The following TPO variants were observed in gnomAD, a reference collection of about 807,000 sequenced individuals.
TPO encodes thyroid peroxidase, also known as thyroid microsomal antigen.
Under a neutral mutation model 96.9 loss-of-function variants are expected in TPO, and 78 were observed. The observed-to-expected ratio is 0.81, with a 90% CI of 0.67 to 0.97. The LOEUF is 0.97. Ranked by LOEUF, TPO falls within the 50% of genes least tolerant of loss-of-function variation. The pLI is 0.00. For missense variants in TPO, 1,252 were observed against 1,274.8 expected (o/e 0.98, Z 0.27); for synonymous variants, 547 against 538.0 (o/e 1.02, Z -0.23).
chr2:1,499,017 G>A (rs1234187601), intron 13 of TPO, among the ~76,000 whole-genome samples: 2 of 152,110 alleles, frequency 1.3e-5, no homozygotes, highest in South Asian at 2.1e-4. Context: ...GTACACCTGC[G>A]TCTCTCCTTG....
chr2:1,508,423 G>T lies in TPO; in HGVS notation c.2518+4344G>T, dbSNP rs191958996. ...ATAAAATGAGTTAGGGAGGATTCCC[G>T]CTTTTTGTATTGATTGGAATAGTTT... On this transcript the variant is annotated intron_variant, in intron 14 of 16. Transcript: ENST00000329066. Among the ~76,000 whole-genome samples the T allele has an allele frequency of 5.6e-4, 85 of 151,870 alleles. No individual in the cohort carries two copies. In the East Asian group the frequency reaches 0.01, roughly 18 times the overall value.
chr2:1,453,241 C>G (rs373346840), intron 5 of TPO, among the ~76,000 whole-genome samples: 11 of 152,336 alleles, frequency 7.2e-5, no homozygotes, highest in Non-Finnish European at 1.3e-4. Flanking sequence ...GACAATCACA[C>G]GGGCAGGAAC....
intron 1 of TPO, among the ~76,000 whole-genome samples, chr2:1,399,205 C>A (rs568503997): frequency 1.3e-5 from 2 of 152,194 alleles, no homozygotes; most frequent in African/African-American, 4.8e-5. Flanking sequence ...AATGTCCAGC[C>A]CCCCCGAGGG....
chr2:1,541,361 G>GT (rs1680746809), intron 16 of TPO: 1 of 246,084 alleles, frequency 4.1e-6, no homozygotes, highest in Non-Finnish European at 6.5e-6. Flanking sequence ...TAAAACAATA[G>GT]GTTTTTTTTT....
rs1273819866 is a variant in TPO at position 1,531,215 on chromosome 2, C to T, written c.2619-9379C>T. Among the ~76,000 whole-genome samples the T allele has an allele frequency of 1.4e-3, 183 of 130,962 alleles. 1 individual carries two copies. Among genetic ancestry groups the T allele is most frequent in the African/African-American group, 5.7e-3 (179 of 31,246 alleles). The allele number at this position is 130,962 out of a possible 152,430, so 85.9% of individuals were successfully genotyped here. ...AATCCCCACACTGTCTGCAACCACC[C>T]CAAATCGCCCCCACTGTGTGCAACC... On this transcript the variant is annotated intron_variant, in intron 15 of 16. Transcript: ENST00000329066.
intron 9 of TPO, 116 bp downstream of exon 9, chr2:1,484,970 G>A (rs1448925930): frequency 2.5e-5 from 38 of 1,490,334 alleles, no homozygotes; most frequent in East Asian, 2.0e-4. Flanking sequence ...GGTTTGTTAC[G>A]TAGGGTATAC....
chr2:1,424,690 C>T (rs1183530836), intron 3 of TPO, among the ~76,000 whole-genome samples: 2 of 152,192 alleles, frequency 1.3e-5, no homozygotes, highest in Non-Finnish European at 2.9e-5. Flanking sequence ...CCTATTCCAA[C>T]TATGTTTCTT....
chr2:1,453,911 C>CGTGCTGG, intron 6 of TPO, 88 bp downstream of exon 6: 1 of 1,582,550 alleles, frequency 6.3e-7, no homozygotes, highest in Admixed American at 1.8e-5. Context: ...GGTTCTTGCT[C>CGTGCTGG]GTGCTGGGTG....
intron 7 of TPO, among the ~76,000 whole-genome samples, chr2:1,475,694 C>T (rs1294230304): frequency 1.3e-5 from 2 of 152,158 alleles, no homozygotes; most frequent in African/African-American, 2.4e-5. Context: ...AATTGCTGGG[C>T]GCCCACCTCA....
At chr2:1,489,639 G>C (rs1437499778) in intron 10 of TPO, among the ~76,000 whole-genome samples, 2 of 129,156 alleles carry the variant, frequency 1.5e-5, no homozygotes, top group Non-Finnish European at 3.4e-5. Context: ...CAGGCACTTA[G>C]GGAACCCTCA....
chr2:1,408,933 C>T (rs1662286149), upstream of TPO, among the ~76,000 whole-genome samples: 1 of 152,114 alleles, frequency 6.6e-6, no homozygotes, highest in Non-Finnish European at 1.5e-5. Context: ...AGAGGTGACC[C>T]TTGGTGAGAA....
At chr2:1,375,726 G>A (rs1661712216) in intron 1 of TPO, among the ~76,000 whole-genome samples, 1 of 152,090 alleles carries the variant, frequency 6.6e-6, no homozygotes. Context: ...CCTTCACCGT[G>A]TCTACATCGT....
At chr2:1,541,016 G>GCACAGGAGAGGAAGGAGA (rs1680701553) in intron 16 of TPO, 8 of 1,370,804 alleles carry the variant, frequency 5.8e-6, no homozygotes, top group Non-Finnish European at 7.7e-6. Flanking sequence ...TCGGCTGGAA[G>GCACAGGAGAGGAAGGAGA]CACAGGAGAG....
chr2:1,446,588 T>C (rs1666849042), intron 5 of TPO, among the ~76,000 whole-genome samples: 1 of 152,212 alleles, frequency 6.6e-6, no homozygotes, highest in African/African-American at 2.4e-5. Flanking sequence ...CATTGGCCAT[T>C]TGGAGACTCT....
intron 15 of TPO, among the ~76,000 whole-genome samples, chr2:1,527,124 C>T (rs1676746345): frequency 7.2e-6 from 1 of 138,378 alleles, no homozygotes; most frequent in Admixed American, 7.3e-5. Context: ...GCAAATACCC[C>T]CACTGTGTGC....
chr2:1,542,618 T>C lies in TPO; in HGVS notation c.*144T>C, dbSNP rs767835569. The stretch of plus-strand genomic sequence containing the variant: ...ATCTAGTACCATGTCGTAGTTACTC[T>C]CAGGCATGGATGAATAAATGTTATA... On this transcript the variant is annotated 3_prime_UTR_variant, in exon 17 of 17. Coordinates refer to ENST00000329066, the MANE Select transcript of TPO (RefSeq NM_001206744.2). The C allele has an allele frequency of 1.1e-4, 165 of 1,551,896 alleles. 1 individual carries two copies. The highest frequency in any genetic ancestry group is 1.3e-4 in the Non-Finnish European group (150 of 1,146,884).
intron 15 of TPO, among the ~76,000 whole-genome samples, chr2:1,536,143 T>G (rs1679605293): frequency 3.5e-5 from 1 of 28,548 alleles, no homozygotes; most frequent in African/African-American, 1.4e-4. Context: ...CCCCAATCTA[T>G]GCAACCTCCC....
intron 15 of TPO, among the ~76,000 whole-genome samples, chr2:1,530,998 T>A (rs550118688): frequency 2.9e-4 from 20 of 69,382 alleles, no homozygotes; most frequent in Non-Finnish European, 4.5e-4. Context: ...CTCAAATCCC[T>A]CCACTCTGTG....
intron 2 of TPO, among the ~76,000 whole-genome samples, chr2:1,422,130 C>T (rs1437939589): frequency 6.6e-6 from 1 of 152,234 alleles, no homozygotes; most frequent in Non-Finnish European, 1.5e-5. Flanking sequence ...AGATCCAGCA[C>T]GGAGGTTTTC....
Sources: gnomAD v4.1 joint callset for allele counts (sites outside exome capture counted in the v4.1 genomes callset) on GRCh38, gnomAD v4.1.1 for gene constraint, MANE v1.5 for transcripts, NCBI Gene and HGNC (gene_info 2026-07-23, HGNC 2026-07-21) for gene names.